Variants in FANCA observed in about 807,000 individuals in gnomAD.
FANCA encodes the protein Fanconi anemia group A protein.
FANCA carries 236 observed loss-of-function variants against 194.3 expected under a neutral mutation model. The observed-to-expected ratio is 1.21, with a 90% CI of 1.09 to 1.35. The LOEUF is 1.35. Ranked by LOEUF, FANCA falls within the 40% of genes most tolerant of loss-of-function variation. The pLI, the probability that FANCA is intolerant of heterozygous loss-of-function variation, is 0.00. For synonymous variants in FANCA, 1,014 were observed against 715.8 expected (o/e 1.42, Z -6.65); for missense variants, 2,628 against 1,813.9 (o/e 1.45, Z -8.15).
chr16:89,748,271 C>G (rs1323062397), intron 33 of FANCA, among the ~76,000 whole-genome samples: 2 of 152,170 alleles, frequency 1.3e-5, no homozygotes, highest in East Asian at 3.8e-4. Flanking sequence ...ACTGGGCTGC[C>G]TGGCAGGCAA....
chr16:89,750,267 G>A (rs2038538530), intron 31 of FANCA, among the ~76,000 whole-genome samples: 1 of 150,324 alleles, frequency 6.7e-6, no homozygotes, highest in Non-Finnish European at 1.5e-5. Context: ...GGATCACGAG[G>A]TCAGGAGATG....
intron 8 of FANCA, among the ~76,000 whole-genome samples, chr16:89,802,264 C>CTT (rs1472246468): frequency 2.0e-5 from 3 of 148,808 alleles, no homozygotes; most frequent in African/African-American, 7.5e-5. Context: ...CCACGCCCGG[C>CTT]TATTTTTTTT....
chr16:89,741,290 A>T (rs1316177256), intron 37 of FANCA, among the ~76,000 whole-genome samples: 1 of 152,210 alleles, frequency 6.6e-6, no homozygotes. Flanking sequence ...CTCGCTGCAC[A>T]CTAGGGTCCT....
At chr16:89,810,322 CAAAA>C (rs71391246) in intron 5 of FANCA, among the ~76,000 whole-genome samples, 1 of 84,954 alleles carries the variant, frequency 1.2e-5, no homozygotes, top group Admixed American at 1.3e-4. Context: ...GACTTCGTCT[CAAAA>C]AAAAAAAAAA....
At chr16:89,781,351 G>A (rs574680364) in intron 17 of FANCA, among the ~76,000 whole-genome samples, 9 of 111,178 alleles carry the variant, frequency 8.1e-5, no homozygotes, top group East Asian at 2.9e-4. Context: ...GCAATAGAAC[G>A]AGACTCCATT....
At chr16:89,797,368 C>T (rs894505278) in intron 10 of FANCA, among the ~76,000 whole-genome samples, 2 of 151,914 alleles carry the variant, frequency 1.3e-5, no homozygotes, top group Admixed American at 6.6e-5. Context: ...ATCAAGGGTC[C>T]TGGCGGTTCA....
rs769876430 is a variant in FANCA at position 89,816,628 on chromosome 16, T to TA, written c.-14dup. The TA allele has an allele frequency of 7.9e-6, 12 of 1,519,158 alleles. No homozygotes were observed. In the South Asian group the frequency reaches 1.3e-4, roughly 17 times the overall value. The allele number at this position is 1,519,158 out of a possible 1,614,324, so 94.1% of individuals were successfully genotyped here. ...ACGAGTCGGACATGGCCTTGGCGCC[T>TA]ACAGCCCCGGCGGCGGCTCCCTGCG... is the stretch of plus-strand genomic sequence containing the variant. On this transcript the variant is annotated 5_prime_UTR_variant, in exon 1 of 43. Coordinates refer to ENST00000389301, the MANE Select transcript of FANCA (RefSeq NM_000135.4).
At chr16:89,780,694 C>T (rs924282640) in intron 17 of FANCA, among the ~76,000 whole-genome samples, 8 of 151,504 alleles carry the variant, frequency 5.3e-5, no homozygotes, top group Non-Finnish European at 1.2e-4. Flanking sequence ...TTTGGGGGGC[C>T]AAGGCGGAAG....
At chr16:89,744,716 G>A (rs959977181) in intron 36 of FANCA, 5 of 556,662 alleles carry the variant, frequency 9.0e-6, no homozygotes, top group Admixed American at 5.6e-5. Context: ...TTGGCCGTTG[G>A]AGTGATCTCG....
At chr16:89,776,153 GTTTT>G (rs908520331) in intron 20 of FANCA, among the ~76,000 whole-genome samples, 51 of 91,800 alleles carry the variant, frequency 5.6e-4, no homozygotes, top group Middle Eastern at 6.8e-3. Flanking sequence ...ACGAATCTTT[GTTTT>G]TCTTTTTTTT....
chr16:89,737,811 C>A lies in FANCA; in HGVS notation c.*790G>T. 6.2e-7 allele frequency: 1 copy of A among 1,614,164 alleles called. No homozygotes were observed. Among genetic ancestry groups the A allele is most frequent in the Non-Finnish European group, 8.5e-7 (1 of 1,180,024 alleles). On this transcript the variant is annotated 3_prime_UTR_variant, in exon 43 of 43. Coordinates refer to ENST00000389301, the MANE Select transcript of FANCA (RefSeq NM_000135.4). The stretch of plus-strand genomic sequence containing the variant: ...ACTGGACTCTCCCCTCTCAGAGGTG[C>A]GGAACTATATCTGTGACGAATGTGG...
At chr16:89,778,627 T>TAA (rs397693835) in intron 20 of FANCA, among the ~76,000 whole-genome samples, 174 bp downstream of exon 20, 904 of 29,940 alleles carry the variant, frequency 0.03, 158 homozygotes, top group East Asian at 0.1. Flanking sequence ...AGACTCCAAC[T>TAA]AAAAAAAAAA....
chr16:89,792,660 G>C, intron 11 of FANCA, 113 bp from the exon 12 acceptor site: 7 of 812,634 alleles, frequency 8.6e-6, no homozygotes, highest in Admixed American at 2.0e-5. Context: ...GCGGCGACGA[G>C]AGAGTGTAGA....
At chr16:89,769,318 G>C (rs1364106147) in intron 26 of FANCA, among the ~76,000 whole-genome samples, 1 of 152,204 alleles carries the variant, frequency 6.6e-6, no homozygotes, top group Non-Finnish European at 1.5e-5. Flanking sequence ...TTCTGTCCTG[G>C]CTTCTGCCTG....
chr16:89,752,853 A>C (rs542605230), intron 30 of FANCA, among the ~76,000 whole-genome samples: 207 of 152,232 alleles, frequency 1.4e-3, no homozygotes, highest in Non-Finnish European at 2.4e-3. Flanking sequence ...TCAAGGAACA[A>C]CACCCACTAC....
At chr16:89,782,278 A>G (rs1236820537) in intron 17 of FANCA, among the ~76,000 whole-genome samples, 2 of 151,570 alleles carry the variant, frequency 1.3e-5, no homozygotes, top group South Asian at 2.1e-4. Context: ...TTGAGAGGCC[A>G]AGGCGGGCGG....
At chr16:89,767,458 C>T (rs917168024) in intron 26 of FANCA, among the ~76,000 whole-genome samples, 1 of 152,202 alleles carries the variant, frequency 6.6e-6, no homozygotes, top group Non-Finnish European at 1.5e-5. Flanking sequence ...ATCTCTGCCT[C>T]CCGGGTTCAA....
At chr16:89,796,389 T>C (rs2040248864) in intron 10 of FANCA, among the ~76,000 whole-genome samples, 1 of 152,080 alleles carries the variant, frequency 6.6e-6, no homozygotes, top group Non-Finnish European at 1.5e-5. Context: ...CGGCACCCTC[T>C]GTGACACGGA....
chr16:89,784,833 A>G lies in FANCA; in HGVS notation c.1470+21T>C, dbSNP rs199922762. On this transcript the variant is annotated intron_variant, in intron 15 of 42. Transcript: ENST00000389301. ...GTGAGCGAAGCACCAGAAATCATGG[A>G]TGTGGCAGCCAGCTTCTCACCTGCA... The G allele has an allele frequency of 1.3e-5, 21 of 1,575,394 alleles. No individual in the cohort carries two copies. The African/African-American group carries it at 1.9e-4, about 14-fold the overall frequency.
Sources: gnomAD v4.1 joint callset for allele counts (sites outside exome capture counted in the v4.1 genomes callset) on GRCh38, gnomAD v4.1.1 for gene constraint, MANE v1.5 for transcripts, NCBI Gene and HGNC (gene_info 2026-07-23, HGNC 2026-07-21) for gene names.